CEP170: variants seen among roughly 807,000 people sequenced by gnomAD.
CEP170 encodes the protein centrosomal protein 170, also known as centrosomal protein of 170 kDa.
Under a neutral mutation model 151.9 loss-of-function variants are expected in CEP170, and 21 were observed. The ratio of observed to expected loss-of-function variants is 0.14; its 90% confidence interval spans 0.10 to 0.20. CEP170 has a LOEUF of 0.20. CEP170 is among the 10% of genes least tolerant of loss of function. The probability of loss-of-function intolerance (pLI) is 1.00; values close to 1 mark genes in which losing one functional copy is unlikely to be tolerated. For synonymous variants in CEP170, 356 were observed against 648.8 expected, an observed-to-expected ratio of 0.55 and a Z score of 6.86; for missense variants, 964 against 1,892.9, an observed-to-expected ratio of 0.51 and a Z score of 9.11.
intron 4 of CEP170, among the ~76,000 whole-genome samples, chr1:243,203,089 T>C (rs1384804216): frequency 1.3e-5 from 2 of 152,156 alleles, no homozygotes; most frequent in African/African-American, 2.4e-5. Context: ...GTTTGGGTCA[T>C]TAATTCATCT....
chr1:243,194,329 T>C (rs528258275), intron 7 of CEP170, among the ~76,000 whole-genome samples: 206 of 152,058 alleles, frequency 1.4e-3, no homozygotes, highest in Non-Finnish European at 2.5e-3. Flanking sequence ...ATATTACTAA[T>C]ATATTTGATT....
In CEP170 at chr1:243,133,438, T is replaced by C. The variant is rs543253386; in HGVS notation, c.4319+2705A>G. Among the ~76,000 whole-genome samples, 29 of 152,368 alleles carry C rather than the reference T, an allele frequency of 1.9e-4. No individual in the cohort carries two copies. In the East Asian group the frequency reaches 5.2e-3, roughly 27 times the overall value. ...TATTTATTTCTTTGGTTAATAATCC[T>C]TCCATAATGCCCCAGCTTTAGAAAA... is the stretch of plus-strand genomic sequence containing the variant. On this transcript the variant is annotated intron_variant, in intron 17 of 19. Coordinates refer to ENST00000366542, the MANE Select transcript of CEP170 (RefSeq NM_014812.3).
At chr1:243,133,825 G>A (rs1237269857) in intron 17 of CEP170, among the ~76,000 whole-genome samples, 5 of 152,150 alleles carry the variant, frequency 3.3e-5, no homozygotes, top group Non-Finnish European at 5.9e-5. Context: ...GACAATAACA[G>A]GGTGCTAATT....
chr1:243,179,677 C>T (rs1433276279), intron 10 of CEP170, among the ~76,000 whole-genome samples: 4 of 152,210 alleles, frequency 2.6e-5, no homozygotes, highest in Non-Finnish European at 4.4e-5. Flanking sequence ...ACGAATCATA[C>T]ACAAATGCTA....
At chr1:243,206,741 T>A (rs1438239609) in intron 4 of CEP170, among the ~76,000 whole-genome samples, 1 of 152,220 alleles carries the variant, frequency 6.6e-6, no homozygotes, top group East Asian at 1.9e-4. Flanking sequence ...AACAATGTAG[T>A]ATGGGGTTTG....
At chr1:243,184,948 G>T (rs1486248244) in intron 10 of CEP170, among the ~76,000 whole-genome samples, 2 of 152,170 alleles carry the variant, frequency 1.3e-5, no homozygotes, top group African/African-American at 4.8e-5. Flanking sequence ...TGAGTAACAA[G>T]AATTCAAACA....
Position 243,140,097 on chromosome 1 carries a change from C to A in CEP170, c.4070G>T (p.Arg1357Leu). 1.2e-6 allele frequency: 2 copies of A among 1,613,480 alleles called. No individual in the cohort carries two copies. The highest frequency in any genetic ancestry group is 1.7e-6 in the Non-Finnish European group (2 of 1,179,570). ...AIDTREELVDRVFDESLNFRK... is the reference protein window; with the variant it reads ...AIDTREELVDLVFDESLNFRK... ...GAAGTTGAGGCTTTCATCAAAAACA[C>A]GATCAACCAACTAATGGGACGAAAG... The change falls in exon 16 of 20, where the codon CGT (arginine) becomes CTT (leucine). Residue 1357 changes from arginine (R) to leucine (L), a missense_variant. By Grantham distance (102) the Arg-to-Leu change is moderately radical. Coordinates refer to ENST00000366542, the MANE Select transcript of CEP170 (RefSeq NM_014812.3).
chr1:243,195,952 C>T (rs1368292605), intron 7 of CEP170, among the ~76,000 whole-genome samples: 1 of 151,892 alleles, frequency 6.6e-6, no homozygotes, highest in African/African-American at 2.4e-5. Context: ...AGGAATTTGA[C>T]ACAAGACATA....
At chr1:243,140,775 A>G (rs2055747571) in intron 15 of CEP170, among the ~76,000 whole-genome samples, 1 of 152,218 alleles carries the variant, frequency 6.6e-6, no homozygotes, top group South Asian at 2.1e-4. Flanking sequence ...CTGAAATAAA[A>G]CAAAAAGAAA....
intron 1 of CEP170, among the ~76,000 whole-genome samples, chr1:243,241,609 G>A (rs1400180047): frequency 6.6e-6 from 1 of 151,936 alleles, no homozygotes; most frequent in Non-Finnish European, 1.5e-5. Flanking sequence ...GGCCAGCATG[G>A]CAAAACCCCA....
At chr1:243,228,324 C>G (rs2063464585) in intron 1 of CEP170, among the ~76,000 whole-genome samples, 1 of 152,186 alleles carries the variant, frequency 6.6e-6, no homozygotes, top group Non-Finnish European at 1.5e-5. Context: ...ACTCCCTCCT[C>G]AGCTTATTTG....
At chr1:243,228,461 A>T (rs1303802235) in intron 1 of CEP170, among the ~76,000 whole-genome samples, 1 of 152,194 alleles carries the variant, frequency 6.6e-6, no homozygotes, top group Non-Finnish European at 1.5e-5. Context: ...GGTTCAGAAT[A>T]TATACTTCCT....
intron 1 of CEP170, 49 bp downstream of exon 1, chr1:243,254,991 G>C (rs553378024): frequency 2.0e-5 from 3 of 152,272 alleles, no homozygotes; most frequent in South Asian, 4.1e-4. Context: ...AGCCGCGGCG[G>C]TGGCTGCGGC....
intron 10 of CEP170, among the ~76,000 whole-genome samples, chr1:243,178,988 A>T (rs767933786): frequency 2.0e-5 from 3 of 152,172 alleles, no homozygotes; most frequent in Non-Finnish European, 4.4e-5. Context: ...AAGTGCTGGG[A>T]TTACAGGCGT....
intron 1 of CEP170, among the ~76,000 whole-genome samples, chr1:243,236,312 C>G (rs1201853864): frequency 6.6e-6 from 1 of 152,074 alleles, no homozygotes; most frequent in Non-Finnish European, 1.5e-5. Context: ...AAATATACCT[C>G]GAAATGATGC....
At position 243,226,185 on chromosome 1, in the gene CEP170, A is replaced by G. The variant is rs543839214; in HGVS notation, c.-41-864T>C. Among the ~76,000 whole-genome samples, 40 of 22,392 alleles carry G rather than the reference A, an allele frequency of 1.8e-3. 1 individual carries two copies. The East Asian group carries it at 0.076, about 43-fold the overall frequency. The allele number at this position is 22,392 out of a possible 152,430, so 14.7% of individuals were successfully genotyped here. ...TCTCTATAGATATATATATATCTAGATATATATATCTAGATATATATATAT... is the reference window on the plus strand; with the variant it reads ...TCTCTATAGATATATATATATCTAGGTATATATATCTAGATATATATATAT... On this transcript the variant is annotated intron_variant, in intron 1 of 19. Coordinates refer to ENST00000366542, the MANE Select transcript of CEP170 (RefSeq NM_014812.3).
intron 4 of CEP170, among the ~76,000 whole-genome samples, chr1:243,202,445 A>C (rs1415331273): frequency 3.3e-5 from 5 of 152,184 alleles, no homozygotes; most frequent in Non-Finnish European, 7.4e-5. Context: ...TGTATCCCTA[A>C]AGCTATTGAA....
In CEP170 at chr1:243,134,182, T is replaced by C. The variant is rs113193912; in HGVS notation, c.4319+1961A>G. Among the ~76,000 whole-genome samples the C allele has an allele frequency of 3.6e-3, 542 of 152,238 alleles. 2 individuals are homozygous for C. The highest frequency in any genetic ancestry group is 5.5e-3 in the Non-Finnish European group (373 of 68,002). On this transcript the variant is annotated intron_variant, in intron 17 of 19. Coordinates refer to ENST00000366542, the MANE Select transcript of CEP170 (RefSeq NM_014812.3). ...TCAAATCATGTGTAGATAGCAGAAA[T>C]AGCTAACTTAATACAAGCTGACTGG...
chr1:243,188,567 A>G (rs1287194308), intron 8 of CEP170, among the ~76,000 whole-genome samples: 2 of 152,180 alleles, frequency 1.3e-5, no homozygotes, highest in Admixed American at 6.5e-5. Flanking sequence ...CCATGCCTAA[A>G]TATGTTGAAG....
Sources: allele counts gnomAD v4.1 joint callset (sites outside exome capture counted in the v4.1 genomes callset), GRCh38; gene constraint gnomAD v4.1.1; transcripts MANE v1.5; gene names NCBI Gene and HGNC (gene_info 2026-07-23, HGNC 2026-07-21).